Variants in MCPH1 observed in about 807,000 individuals in gnomAD.
The protein encoded by MCPH1 is microcephalin 1.
Under a neutral mutation model 84.5 loss-of-function variants are expected in MCPH1, and 104 were observed. The ratio of observed to expected loss-of-function variants is 1.23; its 90% CI spans 1.05 to 1.45. The LOEUF (loss-of-function observed/expected upper bound fraction) is 1.45, where lower values mean the gene tolerates loss of function less well. Ranked by LOEUF, MCPH1 falls within the 40% of genes most tolerant of loss-of-function variation. MCPH1 has a pLI of 0.00. For missense variants in MCPH1, 1,498 were observed against 1,005.7 expected (o/e 1.49, Z -6.62); for synonymous variants, 514 against 366.8 (o/e 1.40, Z -4.58).
intron 9 of MCPH1, among the ~76,000 whole-genome samples, chr8:6,470,384 A>G (rs778633502): frequency 6.6e-6 from 1 of 152,078 alleles, no homozygotes; most frequent in Non-Finnish European, 1.5e-5. Context: ...CCCGGGTTCA[A>G]GCGATTCTCC....
intron 11 of MCPH1, among the ~76,000 whole-genome samples, chr8:6,491,376 CTT>C (rs34589854): frequency 2.0e-4 from 26 of 128,090 alleles, no homozygotes; most frequent in Non-Finnish European, 2.0e-4. Flanking sequence ...TGGTTTCTTT[CTT>C]TTTTTTTTTT....
intron 13 of MCPH1, among the ~76,000 whole-genome samples, chr8:6,636,750 T>C (rs1246206809): frequency 6.6e-6 from 1 of 152,220 alleles, no homozygotes; most frequent in Non-Finnish European, 1.5e-5. Context: ...TTTTAGACTC[T>C]GGTCCTATCT....
chr8:6,586,834 T>C lies in MCPH1; in HGVS notation c.2215-34620T>C, dbSNP rs115807284. ...TGAAGGGATGAGAGATTAGGACACT[T>C]ACCACCTGAATCCTGTCGCTGGCTT... On this transcript the variant is annotated intron_variant, in intron 12 of 13. Coordinates refer to ENST00000344683, the MANE Select transcript of MCPH1 (RefSeq NM_024596.5). Among the ~76,000 whole-genome samples, 324 of 152,316 alleles carry C rather than the reference T, an allele frequency of 2.1e-3. 1 individual carries two copies. The highest frequency in any genetic ancestry group is 7.4e-3 in the African/African-American group (306 of 41,570).
rs538769272 is a variant in MCPH1, at chr8:6,642,177, A to G, written c.2453-817A>G. Among the ~76,000 whole-genome samples the G allele has an allele frequency of 5.3e-5, 8 of 152,330 alleles. No homozygotes were observed. The East Asian group carries it at 1.5e-3, about 29-fold the overall frequency. Reference sequence around the variant, plus strand: ...AATGTAACTCTGTAATTATAATTATATATTCACACAATCATTGTGATTCTT... The same window carrying G: ...AATGTAACTCTGTAATTATAATTATGTATTCACACAATCATTGTGATTCTT... On this transcript the variant is annotated intron_variant, in intron 13 of 13. Coordinates refer to ENST00000344683, the MANE Select transcript of MCPH1 (RefSeq NM_024596.5).
At position 6,527,585 on chromosome 8, in the gene MCPH1, C is replaced by A. The variant is rs1818571630; in HGVS notation, c.2214+27656C>A. The A allele has an allele frequency of 5.0e-6, 8 of 1,613,978 alleles. No homozygotes were observed. In the East Asian group the frequency reaches 1.8e-4, roughly 36 times the overall value. On this transcript the variant is annotated intron_variant, in intron 12 of 13. Transcript: ENST00000344683. ...CTTATCTTGCAATTTGTTTATTTCA[C>A]TGGTCTGGTCCAAAATCTGTTTTTC...
At chr8:6,512,630 A>G (rs976707658) in intron 12 of MCPH1, among the ~76,000 whole-genome samples, 5 of 152,106 alleles carry the variant, frequency 3.3e-5, no homozygotes, top group Admixed American at 2.0e-4. Flanking sequence ...GAGTGCCTCT[A>G]TGTGCCTTGT....
In MCPH1 at chr8:6,406,640, G is replaced by C; in HGVS notation, c.-28G>C. 1.9e-6 allele frequency: 3 copies of C among 1,610,800 alleles called. No homozygotes were observed. Among genetic ancestry groups the C allele is most frequent in the Non-Finnish European group, 2.5e-6 (3 of 1,179,164 alleles). ...CGCCAGGCTCGCAAGCACCGCGTAG[G>C]CCAGCTGGCCGGATCCCGCCGTCTG... On this transcript the variant is annotated 5_prime_UTR_variant, in exon 1 of 14. Coordinates refer to ENST00000344683, the MANE Select transcript of MCPH1 (RefSeq NM_024596.5).
At chr8:6,465,288 G>C (rs1010917203) in intron 9 of MCPH1, among the ~76,000 whole-genome samples, 1 of 152,168 alleles carries the variant, frequency 6.6e-6, no homozygotes, top group Admixed American at 6.5e-5. Context: ...ATAAGTAAAA[G>C]ATGCTCTGCA....
Position 6,478,199 on chromosome 8 carries a change from C to G in MCPH1, c.1973+568C>G, listed in dbSNP as rs184429630. 3.3e-5 allele frequency among the ~76,000 whole-genome samples: 5 copies of G among 152,296 alleles called. No homozygotes were observed. The East Asian group carries it at 7.7e-4, about 24-fold the overall frequency. ...GGTTTTAAGGTTTTAAGACATCCATCAAAACATTGGAACATTTCAGTGAAA... is the reference window on the plus strand; with the variant it reads ...GGTTTTAAGGTTTTAAGACATCCATGAAAACATTGGAACATTTCAGTGAAA... On this transcript the variant is annotated intron_variant, in intron 10 of 13. Coordinates refer to ENST00000344683, the MANE Select transcript of MCPH1 (RefSeq NM_024596.5).
At chr8:6,500,101 G>T in intron 12 of MCPH1, 172 bp downstream of exon 12, 1 of 632,790 alleles carries the variant, frequency 1.6e-6, no homozygotes, top group Non-Finnish European at 2.8e-6. Context: ...GAGAACAAAT[G>T]TGAGAACGTG....
chr8:6,473,864 C>G, intron 9 of MCPH1: 2 of 1,483,898 alleles, frequency 1.3e-6, no homozygotes, highest in East Asian at 4.6e-5. Flanking sequence ...ATCTTTGATC[C>G]ACTGCTCAAT....
At chr8:6,528,612 G>C (rs1818834917) in intron 12 of MCPH1, among the ~76,000 whole-genome samples, 1 of 152,258 alleles carries the variant, frequency 6.6e-6, no homozygotes, top group Non-Finnish European at 1.5e-5. Flanking sequence ...GTGAGCTACT[G>C]CGTGGCATGA....
chr8:6,606,447 T>C (rs1192113935), intron 12 of MCPH1, among the ~76,000 whole-genome samples: 1 of 152,164 alleles, frequency 6.6e-6, no homozygotes, highest in Non-Finnish European at 1.5e-5. Context: ...CTAACCTATA[T>C]ATGGTGGGTG....
At chr8:6,471,984 C>G (rs73661753) in intron 9 of MCPH1, among the ~76,000 whole-genome samples, 4,859 of 152,238 alleles carry the variant, frequency 0.032, 240 homozygotes, top group African/African-American at 0.11. Flanking sequence ...TTCATTACAA[C>G]AGTATTGGCA....
At chr8:6,609,898 C>A (rs1830121673) in intron 12 of MCPH1, among the ~76,000 whole-genome samples, 1 of 144,004 alleles carries the variant, frequency 6.9e-6, no homozygotes, top group Non-Finnish European at 1.5e-5. Context: ...TATTACACAC[C>A]CTCCTCTGCC....
At chr8:6,511,284 G>A (rs1456185744) in intron 12 of MCPH1, among the ~76,000 whole-genome samples, 1 of 133,600 alleles carries the variant, frequency 7.5e-6, no homozygotes, top group Non-Finnish European at 1.7e-5. Context: ...CATTGGTATG[G>A]GTTGATTTTT....
intron 12 of MCPH1, chr8:6,616,698 G>A (rs1830824235): frequency 2.0e-5 from 3 of 152,238 alleles, no homozygotes; most frequent in African/African-American, 2.4e-5. Context: ...ATATGCATGG[G>A]TATGAAATGA....
At chr8:6,517,176 T>C (rs886304287) in intron 12 of MCPH1, among the ~76,000 whole-genome samples, 3 of 152,236 alleles carry the variant, frequency 2.0e-5, no homozygotes, top group African/African-American at 4.8e-5. Flanking sequence ...AGTCCTCAGA[T>C]ACTTCCCAAG....
At chr8:6,577,422 A>T (rs1010395584) in intron 12 of MCPH1, among the ~76,000 whole-genome samples, 3 of 152,248 alleles carry the variant, frequency 2.0e-5, no homozygotes, top group Non-Finnish European at 4.4e-5. Flanking sequence ...GTCCTGGGGT[A>T]AACACATTCA....
Sources: gnomAD v4.1 joint callset for allele counts (sites outside exome capture counted in the v4.1 genomes callset) on GRCh38, gnomAD v4.1.1 for gene constraint, MANE v1.5 for transcripts, NCBI Gene and HGNC (gene_info 2026-07-23, HGNC 2026-07-21) for gene names.